LY86: variants seen among roughly 807,000 people sequenced by gnomAD.
The protein encoded by LY86 is MD-1, RP105-associated.
Under a neutral mutation model 17.3 loss-of-function variants are expected in LY86, and 20 were observed. That is an observed-to-expected ratio of 1.15 (90% CI 0.81 to 1.68). The LOEUF (loss-of-function observed/expected upper bound fraction) is 1.68, where lower values mean the gene tolerates loss of function less well. Among genes scored for constraint, LY86 ranks in the 40% most tolerant of loss-of-function variants. The probability of loss-of-function intolerance (pLI) is 0.00; values close to 1 mark genes in which losing one functional copy is unlikely to be tolerated. For synonymous variants in LY86, 74 were observed against 70.6 expected (o/e 1.05, Z -0.24); for missense variants, 200 against 191.9 (o/e 1.04, Z -0.25).
chr6:6,652,993 T>C (rs1340644551), intron 4 of LY86, among the ~76,000 whole-genome samples: 1 of 152,248 alleles, frequency 6.6e-6, no homozygotes, highest in Non-Finnish European at 1.5e-5. Flanking sequence ...CACAACGAGA[T>C]ATAAATTTGA....
chr6:6,610,169 A>G (rs1024890520), intron 1 of LY86, among the ~76,000 whole-genome samples: 3 of 152,250 alleles, frequency 2.0e-5, no homozygotes, highest in African/African-American at 7.2e-5. Context: ...GAAAACCGCT[A>G]AAACCTGAGT....
At position 6,636,467 on chromosome 6, in the gene LY86, C is replaced by T. The variant is rs145435215; in HGVS notation, c.352+10046C>T. ...TGATGACAGGTTTCTCAAGCAAGGG[C>T]CCTGAGCCCCTCAAGTCATCATCTG... On this transcript the variant is annotated intron_variant, in intron 3 of 4. Coordinates refer to ENST00000230568, the MANE Select transcript of LY86 (RefSeq NM_004271.4). 3.0e-3 allele frequency among the ~76,000 whole-genome samples: 453 copies of T among 152,290 alleles called. 4 individuals are homozygous for T. Among genetic ancestry groups the T allele is most frequent in the African/African-American group, 0.01 (429 of 41,562 alleles).
At chr6:6,612,535 C>A (rs965313873) in intron 1 of LY86, among the ~76,000 whole-genome samples, 1 of 152,214 alleles carries the variant, frequency 6.6e-6, no homozygotes, top group Non-Finnish European at 1.5e-5. Context: ...AAACCAACCA[C>A]ACAAAAGCAA....
intron 1 of LY86, among the ~76,000 whole-genome samples, chr6:6,601,392 G>A (rs1356540071): frequency 8.4e-6 from 1 of 118,492 alleles, no homozygotes; most frequent in Non-Finnish European, 2.0e-5. Flanking sequence ...AGATGATGAA[G>A]AGGGTAAGCT....
intron 1 of LY86, among the ~76,000 whole-genome samples, chr6:6,611,851 C>T (rs1761347535): frequency 6.6e-6 from 1 of 152,124 alleles, no homozygotes; most frequent in Non-Finnish European, 1.5e-5. Context: ...TCCTGTCAAT[C>T]TAGCATCTCT....
chr6:6,630,399 A>C (rs532145112), intron 3 of LY86, among the ~76,000 whole-genome samples: 6 of 152,330 alleles, frequency 3.9e-5, no homozygotes, highest in African/African-American at 1.4e-4. Flanking sequence ...GAAGGAGACA[A>C]CATTGGCCAC....
chr6:6,648,976 C>T (rs1341492252), intron 3 of LY86, among the ~76,000 whole-genome samples: 1 of 152,144 alleles, frequency 6.6e-6, no homozygotes, highest in Non-Finnish European at 1.5e-5. Flanking sequence ...TCATCATTCT[C>T]CTCAGTAGAA....
In LY86 at chr6:6,614,983, G is replaced by A. The variant is rs966306009; in HGVS notation, c.137-9943G>A. 4.5e-4 allele frequency among the ~76,000 whole-genome samples: 69 copies of A among 152,166 alleles called. 1 individual carries two copies. The highest frequency in any genetic ancestry group is 1.6e-3 in the African/African-American group (66 of 41,448). ...TAAGCGGAGGCGGCTGCCTCTTAAC[G>A]CTTCATAAATTCTGTACACCTTGTG... is the stretch of plus-strand genomic sequence containing the variant. On this transcript the variant is annotated intron_variant, in intron 1 of 4. Coordinates refer to ENST00000230568, the MANE Select transcript of LY86 (RefSeq NM_004271.4).
At chr6:6,595,353 A>G (rs1760669619) in intron 1 of LY86, among the ~76,000 whole-genome samples, 1 of 105,748 alleles carries the variant, frequency 9.5e-6, no homozygotes, top group Non-Finnish European at 2.2e-5. Flanking sequence ...GAAGCAGGAG[A>G]GGAGAAGGGG....
chr6:6,592,420 ATATT>A (rs1190221467), intron 1 of LY86, among the ~76,000 whole-genome samples: 1 of 152,190 alleles, frequency 6.6e-6, no homozygotes, highest in African/African-American at 2.4e-5. Context: ...ACCCACCGAT[ATATT>A]TATTTATATG....
chr6:6,604,318 A>AGC (rs1761023013), intron 1 of LY86, among the ~76,000 whole-genome samples: 1 of 152,242 alleles, frequency 6.6e-6, no homozygotes, highest in Non-Finnish European at 1.5e-5. Flanking sequence ...AAGATACAGT[A>AGC]TATAAAATGT....
chr6:6,631,092 T>TTACTGGCAG lies in LY86; in HGVS notation c.352+4672_352+4680dup, dbSNP rs550187734. Among the ~76,000 whole-genome samples, 257 of 152,270 alleles carry TTACTGGCAG rather than the reference T, an allele frequency of 1.7e-3. 1 individual carries two copies. The highest frequency in any genetic ancestry group is 5.9e-3 in the African/African-American group (247 of 41,544). On this transcript the variant is annotated intron_variant, in intron 3 of 4. Coordinates refer to ENST00000230568, the MANE Select transcript of LY86 (RefSeq NM_004271.4). The stretch of plus-strand genomic sequence containing the variant: ...ATATGTGTGACTCTCTTTAATGTTT[T>TTACTGGCAG]TACTGGCAGCGCTGCATTATTATCT...
chr6:6,599,006 A>C (rs890363920), intron 1 of LY86, among the ~76,000 whole-genome samples: 7 of 152,198 alleles, frequency 4.6e-5, no homozygotes, highest in African/African-American at 1.2e-4. Flanking sequence ...TGAGCTGATC[A>C]GTCCTTCTGT....
At chr6:6,616,481 G>T (rs1287212377) in intron 1 of LY86, among the ~76,000 whole-genome samples, 1 of 152,092 alleles carries the variant, frequency 6.6e-6, no homozygotes, top group Non-Finnish European at 1.5e-5. Context: ...TAGCAAACAG[G>T]GATGTTACTA....
chr6:6,603,629 CAAA>C (rs1280116691), intron 1 of LY86, among the ~76,000 whole-genome samples: 62 of 63,072 alleles, frequency 9.8e-4, no homozygotes, highest in South Asian at 3.7e-3. Flanking sequence ...CAAAAAAAAA[CAAA>C]ACACACACAC....
At chr6:6,646,990 A>C (rs1762116462) in intron 3 of LY86, among the ~76,000 whole-genome samples, 1 of 152,134 alleles carries the variant, frequency 6.6e-6, no homozygotes, top group Admixed American at 6.5e-5. Context: ...CCCACTGTCC[A>C]TGAATATTGT....
chr6:6,603,316 C>A (rs894298217), intron 1 of LY86, among the ~76,000 whole-genome samples: 1 of 152,096 alleles, frequency 6.6e-6, no homozygotes, highest in Admixed American at 6.6e-5. Flanking sequence ...TCTAGCATCA[C>A]ACTAAAGCAT....
chr6:6,600,427 T>C (rs1234250718), intron 1 of LY86, among the ~76,000 whole-genome samples: 2 of 151,336 alleles, frequency 1.3e-5, no homozygotes, highest in East Asian at 3.9e-4. Flanking sequence ...CTATTTCTAC[T>C]AAAAATACAA....
At chr6:6,635,086 C>T (rs778239098) in intron 3 of LY86, among the ~76,000 whole-genome samples, 3 of 152,158 alleles carry the variant, frequency 2.0e-5, no homozygotes, top group Non-Finnish European at 4.4e-5. Context: ...GTTCACTGCA[C>T]ATACATTAAC....
Sources: allele counts gnomAD v4.1 joint callset (sites outside exome capture counted in the v4.1 genomes callset), GRCh38; gene constraint gnomAD v4.1.1; transcripts MANE v1.5; gene names NCBI Gene and HGNC (gene_info 2026-07-23, HGNC 2026-07-21).